The following CBX7 variants were observed in gnomAD, a reference collection of about 807,000 sequenced individuals.
CBX7 encodes the protein chromobox protein homolog 7.
Under a neutral mutation model 31.4 loss-of-function variants are expected in CBX7, and 14 were observed. That is an observed-to-expected ratio of 0.45 (90% CI 0.29 to 0.70). The LOEUF (loss-of-function observed/expected upper bound fraction) is 0.70. Among genes scored for constraint, CBX7 ranks in the 30% least tolerant of loss-of-function variants. The pLI is 0.11. For synonymous variants in CBX7, 159 were observed against 152.6 expected (o/e 1.04, Z -0.31); for missense variants, 269 against 351.9 (o/e 0.76, Z 1.89).
rs144087740 is a variant in CBX7 at position 39,142,574 on chromosome 22, G to A, written c.114-1138C>T. On this transcript the variant is annotated intron_variant, in intron 2 of 5. Transcript: ENST00000216133. ...GCGGCTCCAGAGCTCACCTATCTGT[G>A]GAACCACCGTGGTGACACCCACCAC... 2.3e-3 allele frequency among the ~76,000 whole-genome samples: 354 copies of A among 152,304 alleles called. 9 individuals are homozygous for A. The East Asian group carries it at 0.061, about 26-fold the overall frequency.
intron 2 of CBX7, among the ~76,000 whole-genome samples, chr22:39,145,496 G>C (rs1422662724): frequency 2.6e-5 from 4 of 152,162 alleles, no homozygotes; most frequent in Non-Finnish European, 5.9e-5. Flanking sequence ...AGGGGAGGGA[G>C]AGTGGAAAGG....
chr22:39,139,248 T>C (rs73884824), intron 3 of CBX7, among the ~76,000 whole-genome samples: 2,053 of 152,220 alleles, frequency 0.013, 44 homozygotes, highest in African/African-American at 0.047. Flanking sequence ...AACCAGCCTG[T>C]TCTGAGTGCC....
intron 2 of CBX7, among the ~76,000 whole-genome samples, chr22:39,143,147 G>A (rs1359110460): frequency 2.6e-5 from 4 of 151,952 alleles, no homozygotes; most frequent in East Asian, 1.9e-4. Context: ...CCAGCTACTC[G>A]GGAGGCTGAG....
At chr22:39,134,986 C>T (rs1436791700) in intron 4 of CBX7, 2 of 498,112 alleles carry the variant, frequency 4.0e-6, no homozygotes, top group African/African-American at 2.0e-5. Context: ...AGAGCACTCG[C>T]GTCCCAGCGT....
chr22:39,147,415 G>GT (rs1930699916), intron 2 of CBX7: 1 of 151,956 alleles, frequency 6.6e-6, no homozygotes. Context: ...TGAGAAGAAT[G>GT]TAAGTCTCCC....
At chr22:39,141,767 G>T (rs1326714598) in intron 2 of CBX7, among the ~76,000 whole-genome samples, 1 of 150,930 alleles carries the variant, frequency 6.6e-6, no homozygotes, top group East Asian at 1.9e-4. Flanking sequence ...AAAGGTCAGA[G>T]CCATCGCTTC....
chr22:39,146,360 C>A (rs1034143951), intron 2 of CBX7, among the ~76,000 whole-genome samples: 7 of 152,264 alleles, frequency 4.6e-5, no homozygotes, highest in Non-Finnish European at 1.5e-5. Context: ...CTGCCCCTGG[C>A]AGGGTGTTAA....
chr22:39,146,126 G>A (rs1258448113), intron 2 of CBX7, among the ~76,000 whole-genome samples: 1 of 152,232 alleles, frequency 6.6e-6, no homozygotes, highest in Non-Finnish European at 1.5e-5. Context: ...TTCAGGAGAC[G>A]CCACCGCTCT....
Position 39,134,745 on chromosome 22 carries a change from T to C in CBX7, c.254A>G (p.Tyr85Cys), listed in dbSNP as rs924292200. 15 of 1,527,808 alleles carry C rather than the reference T, an allele frequency of 9.8e-6. No individual in the cohort carries two copies. In the East Asian group the frequency reaches 3.2e-4, roughly 32 times the overall value. 94.6% of individuals were successfully genotyped at this position (1,527,808 alleles called of 1,614,324 possible). ...KPKRLLLQRLYSMDLRSSHKA... is the reference protein window; with the variant it reads ...KPKRLLLQRLCSMDLRSSHKA... ...GTGGGAGCTCCGCAGGTCCATGCTG[T>C]ACAGCCGCTGCGGGGGCAAGCCAGG... Residue 85 changes from tyrosine to cysteine, a missense_variant, in exon 5 of 6, where the codon TAC becomes TGC. Coordinates refer to ENST00000216133, the MANE Select transcript of CBX7 (RefSeq NM_175709.5).
chr22:39,138,519 TG>T, intron 4 of CBX7, 116 bp downstream of exon 4: 1 of 940,080 alleles, frequency 1.1e-6, no homozygotes. Flanking sequence ...GTGCCCTGGG[TG>T]GTACAGGCGA....
At chr22:39,142,456 A>C (rs1041782778) in intron 2 of CBX7, among the ~76,000 whole-genome samples, 4 of 152,176 alleles carry the variant, frequency 2.6e-5, no homozygotes, top group Admixed American at 1.3e-4. Context: ...GGCCTAGCGC[A>C]GGCCCCCGGG....
At chr22:39,138,826 C>G in intron 3 of CBX7, 124 bp from the exon 4 acceptor site, 2 of 836,020 alleles carry the variant, frequency 2.4e-6, no homozygotes, top group South Asian at 2.9e-5. Flanking sequence ...CAGGCCTGCC[C>G]ACCAATCCTC....
chr22:39,145,952 G>A (rs1307047364), intron 2 of CBX7, among the ~76,000 whole-genome samples: 2 of 152,154 alleles, frequency 1.3e-5, no homozygotes, highest in Non-Finnish European at 2.9e-5. Flanking sequence ...GCGGGGTTTG[G>A]AGGCGCTGCT....
rs1340373908 is a variant in CBX7 at position 39,133,080 on chromosome 22, G to C, written c.*811C>G. On this transcript the variant is annotated 3_prime_UTR_variant, in exon 6 of 6. Transcript: ENST00000216133. ...TGCAAGGTGGGGTGAGTGCAGGTGT[G>C]GTGGTGAGGTCTTTTGTGCTGTGAA... is the stretch of plus-strand genomic sequence containing the variant. 2 of 152,256 alleles carry C rather than the reference G, an allele frequency of 1.3e-5. No homozygotes were observed. Among genetic ancestry groups the C allele is most frequent in the Admixed American group, 6.5e-5 (1 of 15,282 alleles). 9.4% of individuals were successfully genotyped at this position (152,256 alleles called of 1,614,324 possible). A position where few individuals can be genotyped will look rare whatever the true frequency, so the allele number is the denominator to read the frequency against.
chr22:39,138,796 C>T (rs1340155668), intron 3 of CBX7, 94 bp from the exon 4 acceptor site: 2 of 1,161,398 alleles, frequency 1.7e-6, no homozygotes, highest in East Asian at 4.7e-5. Flanking sequence ...TGCTGTCTGT[C>T]AGGGAGGGGA....
chr22:39,139,888 C>T lies in CBX7; in HGVS notation c.180-1186G>A, dbSNP rs898075214. 3.9e-5 allele frequency among the ~76,000 whole-genome samples: 6 copies of T among 152,032 alleles called. No individual in the cohort carries two copies. The East Asian group carries it at 1.2e-3, about 29-fold the overall frequency. ...GAGGTTGTAGTGAGCCAAGATCGCA[C>T]CACTGCACTCCAGCCTGGGAGACAG... On this transcript the variant is annotated intron_variant, in intron 3 of 5. Transcript: ENST00000216133.
At chr22:39,134,774 G>A in intron 4 of CBX7, 22 bp from the exon 5 acceptor site, 2 of 1,424,390 alleles carry the variant, frequency 1.4e-6, no homozygotes, top group Admixed American at 2.4e-5. Context: ...AGCCAGGGCA[G>A]CGCGGGTCAG....
At chr22:39,134,380 T>C (rs1264347426) in intron 5 of CBX7, 21 bp downstream of exon 5, 1 of 1,578,696 alleles carries the variant, frequency 6.3e-7, no homozygotes, top group Non-Finnish European at 8.6e-7. Flanking sequence ...TCTGAGGGTC[T>C]CTGGGCTGGG....
rs540467879 is a variant in CBX7 at position 39,134,920 on chromosome 22, A to T, written c.247-168T>A. 60 of 590,004 alleles carry T rather than the reference A, an allele frequency of 1.0e-4. No homozygotes were observed. The South Asian group carries it at 1.3e-3, about 12-fold the overall frequency. The allele number at this position is 590,004 out of a possible 1,614,324, so 36.5% of individuals were successfully genotyped here. ...CACCCCACCCCACCCCAGCCCAGAG[A>T]GTGCGCCCCGGGCAACCCCAGGGTC... On this transcript the variant is annotated intron_variant, in intron 4 of 5. Transcript: ENST00000216133.
Sources: allele counts gnomAD v4.1 joint callset (sites outside exome capture counted in the v4.1 genomes callset), GRCh38; gene constraint gnomAD v4.1.1; transcripts MANE v1.5; gene names NCBI Gene and HGNC (gene_info 2026-07-23, HGNC 2026-07-21).